SAMD4B: variants seen among roughly 807,000 people sequenced by gnomAD.
The protein encoded by SAMD4B is protein Smaug homolog 2.
A neutral mutation model predicts 74.5 loss-of-function variants in SAMD4B; 5 were observed. The observed-to-expected ratio is 0.07, with a 90% CI of 0.04 to 0.14. The LOEUF is 0.14. SAMD4B is among the 10% of genes least tolerant of loss of function. The probability of loss-of-function intolerance (pLI) is 1.00; values close to 1 mark genes in which losing one functional copy is unlikely to be tolerated. For synonymous variants in SAMD4B, 373 were observed against 374.9 expected (o/e 1.00, Z 0.06); for missense variants, 608 against 921.8 (o/e 0.66, Z 4.41).
chr19:39,353,943 G>A (rs2076200923), intron 1 of SAMD4B, 63 bp from the exon 2 acceptor site: 1 of 152,160 alleles, frequency 6.6e-6, no homozygotes, highest in Non-Finnish European at 1.5e-5. Context: ...ATCATACAAT[G>A]TGGGATCTGC....
intron 1 of SAMD4B, among the ~76,000 whole-genome samples, chr19:39,344,231 C>G (rs2075549417): frequency 6.6e-6 from 1 of 152,128 alleles, no homozygotes; most frequent in Non-Finnish European, 1.5e-5. Context: ...CCCAAAATAA[C>G]CCGAGCTCTT....
chr19:39,379,053 TCTC>T (rs200670223), intron 9 of SAMD4B, among the ~76,000 whole-genome samples: 8 of 147,608 alleles, frequency 5.4e-5, no homozygotes, highest in African/African-American at 2.1e-4. Flanking sequence ...CCTCTCTCTC[TCTC>T]TTTTTTTTTT....
chr19:39,362,429 G>A (rs1050441090), intron 3 of SAMD4B, among the ~76,000 whole-genome samples: 1 of 152,152 alleles, frequency 6.6e-6, no homozygotes, highest in African/African-American at 2.4e-5. Flanking sequence ...TCAGGCAGCT[G>A]GGAAGGTATA....
intron 5 of SAMD4B, among the ~76,000 whole-genome samples, chr19:39,376,206 A>G (rs1385090292): frequency 1.3e-5 from 2 of 152,154 alleles, no homozygotes; most frequent in Admixed American, 6.5e-5. Flanking sequence ...TCATCCTGGT[A>G]TACATCCAGC....
rs752480794 is a variant in SAMD4B, at chr19:39,380,736, C to T, written c.1799C>T (p.Ser600Phe). 1 of 1,601,792 alleles carries T rather than the reference C, an allele frequency of 6.2e-7. No individual in the cohort carries two copies. Among genetic ancestry groups the T allele is most frequent in the Non-Finnish European group, 8.5e-7 (1 of 1,173,702 alleles). Residue 600 changes from serine (S) to phenylalanine (F), a missense_variant, in exon 11 of 14, where the codon TCC becomes TTC. Ser to Phe is a radical substitution (Grantham distance 155). Transcript: ENST00000610417. ...LLSPSGIGGV[S>F]PRHALTSPSL... Reference sequence around the variant, plus strand: ...AGCCCCTCGGGCATTGGGGGTGTCTCCCCTCGACATGCCCTCACCAGCCCC... The same window carrying T: ...AGCCCCTCGGGCATTGGGGGTGTCTTCCCTCGACATGCCCTCACCAGCCCC...
chr19:39,386,412 G>C (rs1160349314), downstream of SAMD4B: 8 of 1,613,928 alleles, frequency 5.0e-6, no homozygotes, highest in Non-Finnish European at 5.9e-6. This position sits in a 1 kb window ranked among gnomAD's most constrained non-coding sequence, Gnocchi z 6.1. Flanking sequence ...ATCTGGAAGG[G>C]AGTGGAGAGA....
In SAMD4B at chr19:39,353,295, C is replaced by G. The variant is rs1600522975; in HGVS notation, c.-266-711C>G. On this transcript the variant is annotated intron_variant, in intron 1 of 13. Transcript: ENST00000610417. ...CCTTAAAATTGTTTTTAATTAAATT[C>G]TTTTTTAAAAATTACAAAAGTAATA... is the stretch of plus-strand genomic sequence containing the variant. 2.6e-5 allele frequency among the ~76,000 whole-genome samples: 4 copies of G among 152,180 alleles called. No individual in the cohort carries two copies. The South Asian group carries it at 8.3e-4, about 32-fold the overall frequency.
intron 9 of SAMD4B, among the ~76,000 whole-genome samples, chr19:39,379,633 C>T (rs1488667932): frequency 6.6e-6 from 1 of 152,164 alleles, no homozygotes; most frequent in Non-Finnish European, 1.5e-5. Flanking sequence ...TGCAATGGCG[C>T]AGTCTCGGCT....
At chr19:39,346,247 AT>A (rs756476697) in intron 1 of SAMD4B, among the ~76,000 whole-genome samples, 3 of 152,146 alleles carry the variant, frequency 2.0e-5, no homozygotes, top group Non-Finnish European at 4.4e-5. Context: ...GGAGCCTTTT[AT>A]TTGGAAAGAC....
At chr19:39,344,175 C>T (rs1166172924) in intron 1 of SAMD4B, among the ~76,000 whole-genome samples, 1 of 150,738 alleles carries the variant, frequency 6.6e-6, no homozygotes, top group East Asian at 1.9e-4. Context: ...TCCCCTAAAT[C>T]CTCTAGAATC....
Position 39,385,683 on chromosome 19 carries a change from AC to A in SAMD4B, c.*2157del. 5.6e-5 allele frequency: 30 copies of A among 535,130 alleles called. No homozygotes were observed. Among genetic ancestry groups the A allele is most frequent in the East Asian group, 1.2e-4 (4 of 33,530 alleles). The allele number at this position is 535,130 out of a possible 1,614,324, so 33.1% of individuals were successfully genotyped here. A position where few individuals can be genotyped will look rare whatever the true frequency, so the allele number is the denominator to read the frequency against. On this transcript the variant is annotated 3_prime_UTR_variant, in exon 14 of 14. Coordinates refer to ENST00000610417, the MANE Select transcript of SAMD4B (RefSeq NM_001384574.2). ...TGGGCTTATTTTGGAAAAAAAAAAA[AC>A]AAACAAAAAAAACGAATTCTGACCT...
chr19:39,353,782 A>G (rs1311370199), intron 1 of SAMD4B, among the ~76,000 whole-genome samples: 1 of 151,962 alleles, frequency 6.6e-6, no homozygotes, highest in African/African-American at 2.4e-5. Flanking sequence ...TTATATTTTT[A>G]GTAGAGATGG....
Position 39,380,776 on chromosome 19 carries a change from G to C in SAMD4B, c.1839G>C (p.Gln613His), listed in dbSNP as rs1444126523. ...TCACCAGCCCCAGCCTTGGAGGCCAGGGCCGACAGGTAAGCTGGCTGGAAG... is the reference window on the plus strand; with the variant it reads ...TCACCAGCCCCAGCCTTGGAGGCCACGGCCGACAGGTAAGCTGGCTGGAAG... ...HALTSPSLGG[Q>H]GRQNLWFANP... The change falls in exon 11 of 14, where the codon CAG becomes CAC. Residue 613 changes from glutamine to histidine, a missense_variant. By Grantham distance (24) the Gln-to-His change is conservative. Coordinates refer to ENST00000610417, the MANE Select transcript of SAMD4B (RefSeq NM_001384574.2). 6.5e-7 allele frequency: 1 copy of C among 1,546,646 alleles called. No individual in the cohort carries two copies. The highest frequency in any genetic ancestry group is 2.0e-5 in the Admixed American group (1 of 49,814).
At chr19:39,388,507 ATCCCAATCCCCAAAACT>A (rs773412321), downstream of SAMD4B, 529 of 1,614,052 alleles carry the variant, frequency 3.3e-4, no homozygotes, top group African/African-American at 4.9e-3. Context: ...TTTCTTCCCT[ATCCCAATCCCCAAAACT>A]TCCCAATCCC....
At chr19:39,371,638 G>A (rs1210611013) in intron 4 of SAMD4B, among the ~76,000 whole-genome samples, 1 of 152,112 alleles carries the variant, frequency 6.6e-6, no homozygotes, top group Non-Finnish European at 1.5e-5. Flanking sequence ...CCAACATGGT[G>A]AAACCTCATC....
chr19:39,383,093 T>G lies in SAMD4B; in HGVS notation c.1973-115T>G. 1 of 834,684 alleles carries G rather than the reference T, an allele frequency of 1.2e-6. No homozygotes were observed. Among genetic ancestry groups the G allele is most frequent in the Non-Finnish European group, 2.1e-6 (1 of 477,852 alleles). 51.7% of individuals were successfully genotyped at this position (834,684 alleles called of 1,614,324 possible). ...CTGTCCACCTCCTCCCGTTCTTCCC[T>G]CTCCCCCTCCATCTCTCTTGCTCCC... is the stretch of plus-strand genomic sequence containing the variant. On this transcript the variant is annotated intron_variant, in intron 12 of 13. Transcript: ENST00000610417. This position sits in a 1 kb window ranked among gnomAD's most constrained non-coding sequence, Gnocchi z 4.1.
At chr19:39,372,704 C>T (rs1158197453) in intron 4 of SAMD4B, among the ~76,000 whole-genome samples, 2 of 152,124 alleles carry the variant, frequency 1.3e-5, no homozygotes, top group Non-Finnish European at 2.9e-5. Context: ...AGGAACTGCA[C>T]GATCATTCCA....
intron 3 of SAMD4B, 150 bp downstream of exon 3, chr19:39,357,239 T>C (rs2076385849): frequency 1.6e-6 from 1 of 617,960 alleles, no homozygotes; most frequent in African/African-American, 1.9e-5. Context: ...TAAGTTGTCA[T>C]CATGGGTCTT....
chr19:39,389,879 G>T, downstream of SAMD4B: 1 of 1,410,400 alleles, frequency 7.1e-7, no homozygotes, highest in Non-Finnish European at 1.0e-6. The surrounding 1 kb of genome is among the most constrained non-coding windows in gnomAD (Gnocchi z 5.3). Context: ...CCCCATGGCA[G>T]AGTCTGAAAG....
Sources: allele counts gnomAD v4.1 joint callset (sites outside exome capture counted in the v4.1 genomes callset), GRCh38; gene constraint gnomAD v4.1.1; non-coding constraint Gnocchi (gnomAD v3.1); transcripts MANE v1.5; gene names NCBI Gene and HGNC (gene_info 2026-07-23, HGNC 2026-07-21).